Variants in PCDH15 observed in about 807,000 individuals in gnomAD.
The protein encoded by PCDH15 is protocadherin-15.
A neutral mutation model predicts 178.5 loss-of-function variants in PCDH15; 129 were observed. The observed-to-expected ratio is 0.72, with a 90% CI of 0.63 to 0.84. The LOEUF (loss-of-function observed/expected upper bound fraction) is 0.84, where lower values mean the gene tolerates loss of function less well. PCDH15 is among the 40% of genes least tolerant of loss of function. The probability of loss-of-function intolerance (pLI) is 0.00; values close to 1 mark genes in which losing one functional copy is unlikely to be tolerated. For synonymous variants in PCDH15, 800 were observed against 732.0 expected (o/e 1.09, Z -1.50); for missense variants, 2,230 against 2,099.9 (o/e 1.06, Z -1.21).
chr10:54,219,657 A>G (rs901466615), intron 9 of PCDH15, among the ~76,000 whole-genome samples: 10 of 151,254 alleles, frequency 6.6e-5, no homozygotes, highest in Admixed American at 2.6e-4. Context: ...GTGAACTTAC[A>G]TGAATTCTGG....
intron 2 of PCDH15, among the ~76,000 whole-genome samples, chr10:55,020,899 C>A (rs1421897397): frequency 6.6e-6 from 1 of 152,178 alleles, no homozygotes; most frequent in Non-Finnish European, 1.5e-5. Flanking sequence ...TCTGACTGTA[C>A]CCCTTGCCCT....
At chr10:55,147,472 G>T (rs1312536733) in intron 2 of PCDH15, among the ~76,000 whole-genome samples, 1 of 150,688 alleles carries the variant, frequency 6.6e-6, no homozygotes, top group South Asian at 2.1e-4. Flanking sequence ...AATTTTTTTG[G>T]AATGAAAATA....
intron 1 of PCDH15, among the ~76,000 whole-genome samples, chr10:55,197,216 A>T (rs1270399423): frequency 6.6e-6 from 1 of 152,080 alleles, no homozygotes; most frequent in African/African-American, 2.4e-5. Flanking sequence ...CTATTCATTT[A>T]TATCACATTG....
intron 2 of PCDH15, among the ~76,000 whole-genome samples, chr10:55,163,310 C>T (rs1238022157): frequency 6.6e-6 from 1 of 152,088 alleles, no homozygotes. Flanking sequence ...TTAGATAGGT[C>T]CACAAGGAAT....
intron 2 of PCDH15, among the ~76,000 whole-genome samples, chr10:55,447,584 A>C (rs1378962091): frequency 6.6e-6 from 1 of 152,062 alleles, no homozygotes; most frequent in Non-Finnish European, 1.5e-5. Context: ...CAGCAAAACA[A>C]AATATAAATG....
intron 2 of PCDH15, among the ~76,000 whole-genome samples, chr10:55,519,093 CAAAAAAAAAAAA>C (rs33942260): frequency 6.0e-5 from 4 of 66,188 alleles, no homozygotes; most frequent in Non-Finnish European, 1.1e-4. Context: ...GATTTCGTCT[CAAAAAAAAAAAA>C]AAAAAAAAAA....
At chr10:54,469,599 G>T (rs1430604880) in intron 3 of PCDH15, among the ~76,000 whole-genome samples, 2 of 152,156 alleles carry the variant, frequency 1.3e-5, no homozygotes, top group Non-Finnish European at 2.9e-5. Flanking sequence ...GGCAGTGCAG[G>T]TCAATTATGT....
chr10:55,118,804 G>GT (rs1837690055), intron 2 of PCDH15, among the ~76,000 whole-genome samples: 1 of 152,232 alleles, frequency 6.6e-6, no homozygotes, highest in Non-Finnish European at 1.5e-5. Context: ...TTCAGCACCT[G>GT]TGAGAGGAGC....
intron 2 of PCDH15, among the ~76,000 whole-genome samples, chr10:54,653,576 T>G (rs1405443391): frequency 6.6e-6 from 1 of 152,182 alleles, no homozygotes; most frequent in Non-Finnish European, 1.5e-5. Flanking sequence ...AAAACTGGAT[T>G]GGGATCAAAA....
rs374201137 is a variant in PCDH15, at chr10:55,028,376, G to A, written c.-79-130876C>T. 2.6e-5 allele frequency among the ~76,000 whole-genome samples: 4 copies of A among 151,782 alleles called. No homozygotes were observed. In the East Asian group the frequency reaches 5.8e-4, roughly 22 times the overall value. ...ATGAATGACTCTCAATAAGAATACC[G>A]TCTGAGCTCAACGACACGTCTAAAA... On this transcript the variant is annotated intron_variant, in intron 2 of 5. Transcript: ENST00000458638.
At chr10:55,459,241 A>AAAAG (rs1554872420) in intron 2 of PCDH15, among the ~76,000 whole-genome samples, 4 of 134,234 alleles carry the variant, frequency 3.0e-5, no homozygotes, top group African/African-American at 5.7e-5. Flanking sequence ...GCAAAAAAAA[A>AAAAG]AAAGAAGGAA....
At chr10:54,408,122 G>A (rs1313477197) in intron 3 of PCDH15, among the ~76,000 whole-genome samples, 4 of 149,754 alleles carry the variant, frequency 2.7e-5, no homozygotes, top group African/African-American at 4.9e-5. Context: ...GGTAACCCTA[G>A]GAGTTTTCTT....
At chr10:55,486,679 T>C (rs892587697) in intron 2 of PCDH15, among the ~76,000 whole-genome samples, 11 of 151,574 alleles carry the variant, frequency 7.3e-5, no homozygotes, top group African/African-American at 2.2e-4. Context: ...TTTATTTTAT[T>C]ATGTTTTTTA....
intron 3 of PCDH15, among the ~76,000 whole-genome samples, chr10:54,889,963 T>C (rs983869258): frequency 3.3e-5 from 5 of 151,962 alleles, no homozygotes; most frequent in African/African-American, 9.7e-5. Context: ...AGTCACATAA[T>C]TGTACCTTTT....
chr10:54,703,349 A>G (rs902645096), intron 1 of PCDH15, among the ~76,000 whole-genome samples: 2 of 152,064 alleles, frequency 1.3e-5, no homozygotes, highest in Non-Finnish European at 2.9e-5. Context: ...TACCATTCCT[A>G]TTTAACATAG....
intron 2 of PCDH15, among the ~76,000 whole-genome samples, chr10:55,012,337 T>C (rs1840063937): frequency 6.6e-6 from 1 of 152,142 alleles, no homozygotes. Flanking sequence ...AAAATTAAGA[T>C]ATTTGGTTAT....
chr10:55,570,974 T>G (rs1357120420), intron 2 of PCDH15, among the ~76,000 whole-genome samples: 1 of 152,022 alleles, frequency 6.6e-6, no homozygotes, highest in Non-Finnish European at 1.5e-5. Context: ...AAAAGCAAAA[T>G]TCCCTAAATA....
intron 37 of PCDH15, chr10:53,809,609 C>G: frequency 1.4e-6 from 2 of 1,475,072 alleles, no homozygotes; most frequent in Non-Finnish European, 1.8e-6. Flanking sequence ...TGACCTTGTC[C>G]CACGAAAGCT....
intron 2 of PCDH15, among the ~76,000 whole-genome samples, chr10:54,935,076 G>T (rs1416334927): frequency 6.7e-6 from 1 of 148,656 alleles, no homozygotes; most frequent in Non-Finnish European, 1.5e-5. Flanking sequence ...TCTGGGGACT[G>T]TTGTGGGGTG....
Sources: allele counts gnomAD v4.1 joint callset (sites outside exome capture counted in the v4.1 genomes callset), GRCh38; gene constraint gnomAD v4.1.1; transcripts MANE v1.5; gene names NCBI Gene and HGNC (gene_info 2026-07-23, HGNC 2026-07-21).